The following RAB6B variants were observed in gnomAD, a reference collection of about 807,000 sequenced individuals.
RAB6B encodes RAB6B, member RAS oncogene family, also known as ras-related protein Rab-6B.
Under a neutral mutation model 31.2 loss-of-function variants are expected in RAB6B, and 7 were observed. That is an observed-to-expected ratio of 0.22 (90% CI 0.13 to 0.42). The LOEUF (loss-of-function observed/expected upper bound fraction) is 0.42, where lower values mean the gene tolerates loss of function less well. Ranked by LOEUF, RAB6B falls within the 10% of genes least tolerant of loss-of-function variation. The pLI, the probability that RAB6B is intolerant of heterozygous loss-of-function variation, is 1.00. For missense variants in RAB6B, 149 were observed against 280.6 expected, an observed-to-expected ratio of 0.53 and a Z score of 3.35; for synonymous variants, 105 against 104.9, an observed-to-expected ratio of 1.00 and a Z score of -0.01.
chr3:133,850,701 A>T (rs1179925626), intron 2 of RAB6B, among the ~76,000 whole-genome samples: 1 of 152,160 alleles, frequency 6.6e-6, no homozygotes, highest in East Asian at 1.9e-4. Context: ...GGAGTCCCAG[A>T]AGTAGAGGAG....
Position 133,834,635 on chromosome 3 carries a change from G to A in RAB6B, c.502C>T (p.Arg168Ter), listed in dbSNP as rs147187493. Residue 168 changes from arginine (R) to a stop codon, truncating the protein, a stop_gained, in exon 7 of 8, where the codon CGA becomes TGA. Coordinates refer to ENST00000285208, the MANE Select transcript of RAB6B (RefSeq NM_016577.4). LOFTEE classifies it high-confidence loss of function. ...CCGGGTAGAGCCGACGCCACACGTC[G>A]AAAAAGCTGGAAAGATGAAGAAATG... ...KTGYNVKQLF[R>*]RVASALPGME... 2.5e-6 allele frequency: 4 copies of A among 1,613,878 alleles called. No homozygotes were observed. Among genetic ancestry groups the A allele is most frequent in the African/African-American group, 2.7e-5 (2 of 74,918 alleles).
intron 2 of RAB6B, among the ~76,000 whole-genome samples, chr3:133,855,185 C>A (rs1276124964): frequency 6.6e-6 from 1 of 152,246 alleles, no homozygotes; most frequent in African/African-American, 2.4e-5. Context: ...AATGAGCCTG[C>A]TGAAACTTCA....
chr3:133,894,030 T>A (rs572469863), intron 1 of RAB6B, among the ~76,000 whole-genome samples: 4 of 152,240 alleles, frequency 2.6e-5, no homozygotes, highest in Non-Finnish European at 4.4e-5. Flanking sequence ...GAACCATCCA[T>A]CTTAGGCAAT....
At chr3:133,880,342 A>G (rs1292241970) in intron 1 of RAB6B, among the ~76,000 whole-genome samples, 1 of 152,250 alleles carries the variant, frequency 6.6e-6, no homozygotes, top group Admixed American at 6.5e-5. Context: ...TAAACAGAGT[A>G]TTGAGAGCGA....
rs114042917 is a variant in RAB6B at position 133,839,794 on chromosome 3, G to A, written c.290-177C>T. 2.9e-3 allele frequency among the ~76,000 whole-genome samples: 447 copies of A among 152,266 alleles called. 1 individual carries two copies. Among genetic ancestry groups the A allele is most frequent in the African/African-American group, 9.8e-3 (408 of 41,554 alleles). On this transcript the variant is annotated intron_variant, in intron 4 of 7. Coordinates refer to ENST00000285208, the MANE Select transcript of RAB6B (RefSeq NM_016577.4). ...TGGGTAGGGCCTTTCAGAGGGAACC[G>A]GGCCCTGCCCTGCGGCCCTGGGGAG...
intron 4 of RAB6B, 81 bp downstream of exon 4, chr3:133,841,204 G>T: frequency 7.8e-7 from 1 of 1,288,008 alleles, no homozygotes; most frequent in Non-Finnish European, 1.1e-6. Flanking sequence ...GCACACACAT[G>T]CACACAGGCC....
intron 1 of RAB6B, among the ~76,000 whole-genome samples, chr3:133,870,419 C>T (rs1482756717): frequency 6.6e-6 from 1 of 152,140 alleles, no homozygotes; most frequent in Non-Finnish European, 1.5e-5. Flanking sequence ...ACAGAATGGC[C>T]TACAGAAGCC....
chr3:133,893,750 G>C (rs1358634319), intron 1 of RAB6B, among the ~76,000 whole-genome samples: 3 of 152,106 alleles, frequency 2.0e-5, no homozygotes, highest in Non-Finnish European at 4.4e-5. Flanking sequence ...ACACAGCTAA[G>C]AATTCAACCC....
intron 6 of RAB6B, among the ~76,000 whole-genome samples, chr3:133,837,693 T>G (rs1049398123): frequency 7.9e-5 from 12 of 152,168 alleles, no homozygotes; most frequent in African/African-American, 2.9e-4. Context: ...CTCCTGTGAG[T>G]TCCAACCACA....
At chr3:133,871,793 C>T (rs550816881) in intron 1 of RAB6B, among the ~76,000 whole-genome samples, 3 of 152,366 alleles carry the variant, frequency 2.0e-5, no homozygotes, top group South Asian at 4.1e-4. Flanking sequence ...GTACCACCCA[C>T]TAGCTAGCCC....
In RAB6B at chr3:133,864,566, G is replaced by A. The variant is rs1452881222; in HGVS notation, c.129+18C>T. ...GCCACTGCCAGATGATATGGAGGGT[G>A]AGCACCCAGGACCTCACCTGGTATG... On this transcript the variant is annotated intron_variant, in intron 2 of 7. Transcript: ENST00000285208. 15 of 1,611,874 alleles carry A rather than the reference G, an allele frequency of 9.3e-6. No homozygotes were observed. Among genetic ancestry groups the A allele is most frequent in the Non-Finnish European group, 1.3e-5 (15 of 1,178,066 alleles).
intron 1 of RAB6B, among the ~76,000 whole-genome samples, chr3:133,879,289 A>C (rs183028918): frequency 5.3e-4 from 81 of 152,354 alleles, no homozygotes; most frequent in Non-Finnish European, 8.5e-4. Context: ...TTAGATTCCT[A>C]GCACATTCAG....
intron 2 of RAB6B, among the ~76,000 whole-genome samples, chr3:133,852,248 G>A (rs371350527): frequency 7.9e-5 from 12 of 152,242 alleles, no homozygotes; most frequent in East Asian, 5.8e-4. Context: ...CAGAGACCAC[G>A]GGCCTAGGCT....
intron 1 of RAB6B, among the ~76,000 whole-genome samples, chr3:133,874,790 TTGTC>T (rs1458948473): frequency 6.8e-6 from 1 of 146,730 alleles, no homozygotes; most frequent in Non-Finnish European, 1.5e-5. Context: ...ATTCTATATG[TTGTC>T]TATTAATTTT....
At chr3:133,865,923 G>A (rs994714866) in intron 1 of RAB6B, among the ~76,000 whole-genome samples, 3 of 152,230 alleles carry the variant, frequency 2.0e-5, no homozygotes, top group African/African-American at 7.2e-5. Flanking sequence ...CTGACTGACT[G>A]TGTTTGGGCT....
chr3:133,844,761 G>T (rs1935883221), intron 2 of RAB6B, among the ~76,000 whole-genome samples: 1 of 152,056 alleles, frequency 6.6e-6, no homozygotes, highest in Non-Finnish European at 1.5e-5. Flanking sequence ...AACATAGTGA[G>T]ACTTTGCCTC....
At chr3:133,864,921 G>A (rs1463672352) in intron 1 of RAB6B, among the ~76,000 whole-genome samples, 1 of 152,162 alleles carries the variant, frequency 6.6e-6, no homozygotes, top group Admixed American at 6.5e-5. Context: ...CCCAAATCCA[G>A]GTCTTCCTTG....
At chr3:133,834,816 C>T (rs2107987443) in intron 6 of RAB6B, among the ~76,000 whole-genome samples, 175 bp from the exon 7 acceptor site, 1 of 152,314 alleles carries the variant, frequency 6.6e-6, no homozygotes, top group African/African-American at 2.4e-5. Context: ...TCTCCCCCAC[C>T]TCTCACAGCA....
At chr3:133,846,216 G>A (rs1225807636) in intron 2 of RAB6B, among the ~76,000 whole-genome samples, 1 of 152,226 alleles carries the variant, frequency 6.6e-6, no homozygotes, top group Admixed American at 6.5e-5. Context: ...GGAGGCCTAG[G>A]CAGGCAGATC....
Sources: allele counts gnomAD v4.1 joint callset (sites outside exome capture counted in the v4.1 genomes callset), GRCh38; gene constraint gnomAD v4.1.1; transcripts MANE v1.5; gene names NCBI Gene and HGNC (gene_info 2026-07-23, HGNC 2026-07-21).